Variants in TNPO2 observed in about 807,000 individuals in gnomAD.
TNPO2 encodes the protein transportin-2.
TNPO2 carries 16 observed loss-of-function variants against 111.1 expected under a neutral mutation model. The observed-to-expected ratio is 0.14, with a 90% confidence interval of 0.10 to 0.22. The LOEUF (loss-of-function observed/expected upper bound fraction) is 0.22. TNPO2 is among the 10% of genes least tolerant of loss of function. TNPO2 has a pLI of 1.00. For synonymous variants in TNPO2, 481 were observed against 475.8 expected, an observed-to-expected ratio of 1.01 and a Z score of -0.14; for missense variants, 530 against 1,173.7, an observed-to-expected ratio of 0.45 and a Z score of 8.01.
At chr19:12,717,065 T>C (rs893005780) in intron 5 of TNPO2, among the ~76,000 whole-genome samples, 1 of 152,012 alleles carries the variant, frequency 6.6e-6, no homozygotes, top group African/African-American at 2.4e-5. Flanking sequence ...GAGATGGTAT[T>C]TGCTGCCATG....
chr19:12,705,339 T>C lies in TNPO2; in HGVS notation c.1923A>G (p.Ala641=), dbSNP rs1277898134. ...EAPDKDFMIV[A]LDLLSGLAEG... The stretch of plus-strand genomic sequence containing the variant: ...CGGCCAGGCCGCTGAGCAGATCCAG[T>C]GCTACGATCATGAAGTCCTTGTCGG... The change falls in exon 18 of 26, where the codon GCA becomes GCG. Residue 641 remains alanine, a synonymous_variant. Transcript: ENST00000425528. The surrounding 1 kb of genome is among the most constrained non-coding windows in gnomAD (Gnocchi z 7.2). The C allele has an allele frequency of 6.3e-7, 1 of 1,591,722 alleles. No homozygotes were observed. The highest frequency in any genetic ancestry group is 1.1e-5 in the South Asian group (1 of 87,462).
Position 12,705,305 on chromosome 19 carries a change from C to T in TNPO2, c.1957G>A (p.Gly653Ser). ...GCCACCAGCTGCTCCACGTGACCAC[C>T]CAGGCCCTCGGCCAGGCCGCTGAGC... Reference protein sequence around the residue: ...DLLSGLAEGLGGHVEQLVARS... With the variant: ...DLLSGLAEGLSGHVEQLVARS... The change falls in exon 18 of 26, where the codon GGT becomes AGT. Residue 653 changes from glycine to serine, a missense_variant. Physicochemically the swap from Gly to Ser is moderately conservative, Grantham distance 56 (BLOSUM62 0). This residue lies in a region of TNPO2 where 183 missense variants were observed against 481.0 expected (regional missense o/e 0.38). Coordinates refer to ENST00000425528, the MANE Select transcript of TNPO2 (RefSeq NM_001382241.1). The surrounding 1 kb of genome is among the most constrained non-coding windows in gnomAD (Gnocchi z 7.2). The T allele has an allele frequency of 6.2e-7, 1 of 1,600,690 alleles. No individual in the cohort carries two copies. Among genetic ancestry groups the T allele is most frequent in the South Asian group, 1.1e-5 (1 of 88,578 alleles).
rs16978633 is a variant in TNPO2 at position 12,703,730 on chromosome 19, A to G, written c.2094T>C (p.His698=). Residue 698 remains histidine, a synonymous_variant, in exon 19 of 26, where the codon CAT becomes CAC. Transcript: ENST00000425528. The stretch of plus-strand genomic sequence containing the variant: ...GTGTCGTACCGATACAGGGCTTGAC[A>G]TGGATGAAGCAGGCTTTGGTGAGGT... ...LGDLTKACFI[H]VKPCIAEFMP... The G allele has an allele frequency of 4.0e-3, 6,458 of 1,608,662 alleles. 220 individuals carry two copies. In the African/African-American group the frequency reaches 0.073, roughly 18 times the overall value.
rs1966950022 is a variant in TNPO2 at position 12,721,560 on chromosome 19, C to T, written c.-13-570G>A. 3.2e-6 allele frequency: 1 copy of T among 312,606 alleles called. No individual in the cohort carries two copies. The allele number at this position is 312,606 out of a possible 1,614,324, so 19.4% of individuals were successfully genotyped here. ...CCTCCCAAGACGATCGTCCTGATCT[C>T]TCCTGTCCCCTGTTCCTGCCCTTCA... is the stretch of plus-strand genomic sequence containing the variant. On this transcript the variant is annotated intron_variant, in intron 2 of 25. Transcript: ENST00000425528. This position sits in a 1 kb window ranked among gnomAD's most constrained non-coding sequence, Gnocchi z 4.9.
At chr19:12,711,129 C>T in intron 12 of TNPO2, 167 bp downstream of exon 12, 1 of 795,826 alleles carries the variant, frequency 1.3e-6, no homozygotes, top group Non-Finnish European at 1.9e-6. Flanking sequence ...CTCCTGACCT[C>T]GTGATCCGCC....
rs2145435877 is a variant in TNPO2, at chr19:12,700,852, G to A, written c.*412C>T. 6.3e-6 allele frequency: 1 copy of A among 159,850 alleles called. No individual in the cohort carries two copies. The highest frequency in any genetic ancestry group is 1.4e-5 in the Non-Finnish European group (1 of 72,438). The allele number at this position is 159,850 out of a possible 1,614,324, so 9.9% of individuals were successfully genotyped here. A position where few individuals can be genotyped will look rare whatever the true frequency, so the allele number is the denominator to read the frequency against. On this transcript the variant is annotated 3_prime_UTR_variant, in exon 26 of 26. Coordinates refer to ENST00000425528, the MANE Select transcript of TNPO2 (RefSeq NM_001382241.1). ...GGCACCCGCACATGCGTGTGGCCAT[G>A]TGTGTCCGTGTGAGTGTACGCGTCC...
Position 12,706,653 on chromosome 19 carries a change from G to GGGT in TNPO2, c.1410_1412dup (p.Pro471dup), listed in dbSNP as rs1568333437. The GGGT allele has an allele frequency of 1.9e-6, 3 of 1,613,918 alleles. No homozygotes were observed. The Admixed American group carries it at 5.0e-5, about 27-fold the overall frequency. ...TCATCAGGGGCTTGAGGTGCATGTC[G>GGGT]GGTGGCTGGCTGACCACCCAGTGGG... is the stretch of plus-strand genomic sequence containing the variant. On this transcript the variant is annotated inframe_insertion, in exon 14 of 26. Transcript: ENST00000425528. The surrounding 1 kb of genome is among the most constrained non-coding windows in gnomAD (Gnocchi z 7.0).
chr19:12,702,452 T>C lies in TNPO2; in HGVS notation c.2306-275A>G, dbSNP rs775801676. ...CTCTGTTGCCCAGGCTGGAGTGCAG[T>C]GGCATGATCTTGGCTCATTGCAACC... On this transcript the variant is annotated intron_variant, in intron 21 of 25. Transcript: ENST00000425528. The surrounding 1 kb of genome is among the most constrained non-coding windows in gnomAD (Gnocchi z 5.5). 1.6e-6 allele frequency: 1 copy of C among 612,206 alleles called. No homozygotes were observed. The highest frequency in any genetic ancestry group is 1.6e-5 in the South Asian group (1 of 62,612). 37.9% of individuals were successfully genotyped at this position (612,206 alleles called of 1,614,324 possible).
Position 12,702,768 on chromosome 19 carries a change from C to T in TNPO2, c.2305+55G>A. 5 of 1,539,356 alleles carry T rather than the reference C, an allele frequency of 3.2e-6. No homozygotes were observed. Among genetic ancestry groups the T allele is most frequent in the Non-Finnish European group, 4.5e-6 (5 of 1,113,928 alleles). ...TTCTGATGCCCTTCCCAGCCCAGAACCCCACCTCCAGAAGGCAGGCAGGGG... is the reference window on the plus strand; with the variant it reads ...TTCTGATGCCCTTCCCAGCCCAGAATCCCACCTCCAGAAGGCAGGCAGGGG... On this transcript the variant is annotated intron_variant, in intron 21 of 25. Transcript: ENST00000425528. This position sits in a 1 kb window ranked among gnomAD's most constrained non-coding sequence, Gnocchi z 5.5.
chr19:12,705,909 C>T lies in TNPO2; in HGVS notation c.1669-141G>A, dbSNP rs578171257. Reference sequence around the variant, plus strand: ...AAAGGCCTGCCATCTGGCCAGACCTCGAGGCCTTCATTCTTCTCACCTGTC... The same window carrying T: ...AAAGGCCTGCCATCTGGCCAGACCTTGAGGCCTTCATTCTTCTCACCTGTC... On this transcript the variant is annotated intron_variant, in intron 15 of 25. Coordinates refer to ENST00000425528, the MANE Select transcript of TNPO2 (RefSeq NM_001382241.1). The surrounding 1 kb of genome is among the most constrained non-coding windows in gnomAD (Gnocchi z 7.2). The T allele has an allele frequency of 3.9e-5, 28 of 715,968 alleles. No homozygotes were observed. Among genetic ancestry groups the T allele is most frequent in the South Asian group, 1.4e-4 (7 of 50,952 alleles). The allele number at this position is 715,968 out of a possible 1,614,324, so 44.4% of individuals were successfully genotyped here.
chr19:12,715,000 C>T lies in TNPO2; in HGVS notation c.771+47G>A, dbSNP rs1266918752. On this transcript the variant is annotated intron_variant, in intron 9 of 25. Transcript: ENST00000425528. ...CTGGGGGTGGCTCCCTGACCCCTGCCACCGGCCCCCTGCCTGCCCGCCTGG... is the reference window on the plus strand; with the variant it reads ...CTGGGGGTGGCTCCCTGACCCCTGCTACCGGCCCCCTGCCTGCCCGCCTGG... 3 of 1,584,064 alleles carry T rather than the reference C, an allele frequency of 1.9e-6. No individual in the cohort carries two copies. The Admixed American group carries it at 5.6e-5, about 30-fold the overall frequency.
chr19:12,720,836 G>A lies in TNPO2; in HGVS notation c.99+43C>T, dbSNP rs1122168. The A allele has an allele frequency of 5.8e-3, 9,010 of 1,544,574 alleles. 433 individuals carry two copies. In the African/African-American group the frequency reaches 0.11, roughly 18 times the overall value. On this transcript the variant is annotated intron_variant, in intron 3 of 25. Coordinates refer to ENST00000425528, the MANE Select transcript of TNPO2 (RefSeq NM_001382241.1). Reference sequence around the variant, plus strand: ...TCTCTCTGGCCTTTGGAAACTGCACGCATCTACCCGGCTCCCCCAGCCCCG... The same window carrying A: ...TCTCTCTGGCCTTTGGAAACTGCACACATCTACCCGGCTCCCCCAGCCCCG...
At position 12,715,415 on chromosome 19, in the gene TNPO2, G is replaced by A; in HGVS notation, c.556C>T (p.Pro186Ser). 1 of 1,613,916 alleles carries A rather than the reference G, an allele frequency of 6.2e-7. No individual in the cohort carries two copies. Among genetic ancestry groups the A allele is most frequent in the Non-Finnish European group, 8.5e-7 (1 of 1,179,866 alleles). The change falls in exon 7 of 26, where the codon CCC (proline) becomes TCC (serine). Residue 186 changes from proline to serine, a missense_variant. Transcript: ENST00000425528. This position sits in a 1 kb window ranked among gnomAD's most constrained non-coding sequence, Gnocchi z 7.1. ...KFLQFFKHCS[P>S]KIRSHAIACV... ...GGGAGCTGCACCCACCGGATCTTGG[G>A]ACTGCAGTGCTTGAAGAACTGCAGG...
In TNPO2 at chr19:12,702,697, T is replaced by A; in HGVS notation, c.2305+126A>T. On this transcript the variant is annotated intron_variant, in intron 21 of 25. Transcript: ENST00000425528. The surrounding 1 kb of genome is among the most constrained non-coding windows in gnomAD (Gnocchi z 5.5). ...TCTTGGGGCTTCTCCCAGTGACCCCTTCCAGGTACTTCCAGACACCCTCCT... is the reference window on the plus strand; with the variant it reads ...TCTTGGGGCTTCTCCCAGTGACCCCATCCAGGTACTTCCAGACACCCTCCT... 1.2e-6 allele frequency: 1 copy of A among 845,250 alleles called. No individual in the cohort carries two copies. The highest frequency in any genetic ancestry group is 1.9e-6 in the Non-Finnish European group (1 of 513,188). The allele number at this position is 845,250 out of a possible 1,614,324, so 52.4% of individuals were successfully genotyped here.
intron 12 of TNPO2, 57 bp from the exon 13 acceptor site, chr19:12,710,830 C>A (rs1453419899): frequency 1.4e-5 from 21 of 1,482,158 alleles, no homozygotes; most frequent in Non-Finnish European, 1.7e-5. Context: ...AGGTGGCCGA[C>A]CCTCCTTGAC....
chr19:12,711,866 G>T (rs888947330), intron 10 of TNPO2, among the ~76,000 whole-genome samples: 74 of 142,536 alleles, frequency 5.2e-4, no homozygotes, highest in Non-Finnish European at 8.6e-4. Flanking sequence ...CCAGAGAAAG[G>T]TTTTTTTTTT....
intron 18 of TNPO2, 70 bp from the exon 19 acceptor site, chr19:12,703,871 G>A: frequency 7.4e-7 from 1 of 1,344,724 alleles, no homozygotes; most frequent in Non-Finnish European, 1.0e-6. Flanking sequence ...AGGGGGCACA[G>A]TCCCTGGTGC....
At position 12,721,126 on chromosome 19, in the gene TNPO2, C is replaced by G; in HGVS notation, c.-13-136G>C. 1.3e-6 allele frequency: 2 copies of G among 1,491,636 alleles called. No homozygotes were observed. Among genetic ancestry groups the G allele is most frequent in the Non-Finnish European group, 8.9e-7 (1 of 1,128,126 alleles). The allele number at this position is 1,491,636 out of a possible 1,614,324, so 92.4% of individuals were successfully genotyped here. A position where few individuals can be genotyped will look rare whatever the true frequency, so the allele number is the denominator to read the frequency against. ...GACAGGCGGAGGCCTCCGATCCACG[C>G]CCGCCCAAGTGCGGGGTCCCCGCCA... On this transcript the variant is annotated intron_variant, in intron 2 of 25. Coordinates refer to ENST00000425528, the MANE Select transcript of TNPO2 (RefSeq NM_001382241.1). This position sits in a 1 kb window ranked among gnomAD's most constrained non-coding sequence, Gnocchi z 4.9.
chr19:12,718,227 G>A (rs1270115747), intron 5 of TNPO2, among the ~76,000 whole-genome samples: 5 of 150,272 alleles, frequency 3.3e-5, no homozygotes, highest in African/African-American at 4.9e-5. Context: ...GTGCAGTGGC[G>A]CCATCTCGCC....
Sources: allele counts gnomAD v4.1 joint callset (sites outside exome capture counted in the v4.1 genomes callset), GRCh38; gene constraint gnomAD v4.1.1; regional missense constraint gnomAD v4.1.1; non-coding constraint Gnocchi (gnomAD v3.1); transcripts MANE v1.5; gene names NCBI Gene and HGNC (gene_info 2026-07-23, HGNC 2026-07-21).